The following ADGRD2 variants were observed in gnomAD, a reference collection of about 807,000 sequenced individuals.
ADGRD2 encodes the protein adhesion G protein-coupled receptor D2, also known as G protein-coupled receptor PGR24.
In ADGRD2, 71 loss-of-function variants were observed where a neutral mutation model predicts 44.4. That is an observed-to-expected ratio of 1.60 (90% confidence interval 1.32 to 1.95). The LOEUF (loss-of-function observed/expected upper bound fraction) is 1.95. Among genes scored for constraint, ADGRD2 ranks in the 30% most tolerant of loss-of-function variants. The pLI is 0.00. For missense variants in ADGRD2, 1,039 were observed against 512.4 expected, an observed-to-expected ratio of 2.03 and a Z score of -9.92; for synonymous variants, 481 against 224.8, an observed-to-expected ratio of 2.14 and a Z score of -10.19.
intron 19 of ADGRD2, 33 bp downstream of exon 22, chr9:124,475,648 G>T (rs1453299908): frequency 3.2e-6 from 2 of 617,808 alleles, no homozygotes; most frequent in South Asian, 1.9e-5. Flanking sequence ...GGGTGGGGGC[G>T]GGAGGCCCCC....
chr9:124,472,214 C>T (rs1487334237), intron 17 of ADGRD2, among the ~76,000 whole-genome samples: 7 of 152,192 alleles, frequency 4.6e-5, no homozygotes, highest in Non-Finnish European at 7.3e-5. Context: ...CAGATCCCTC[C>T]CTTCAGTTCT....
At chr9:124,457,729 A>G in intron 8 of ADGRD2, 123 bp downstream of exon 11, 3 of 548,302 alleles carry the variant, frequency 5.5e-6, no homozygotes, top group Non-Finnish European at 9.8e-6. Context: ...TAAAATGGGC[A>G]CATTACTACT....
chr9:124,471,936 A>C (rs1485101578), intron 17 of ADGRD2, among the ~76,000 whole-genome samples: 1 of 152,200 alleles, frequency 6.6e-6, no homozygotes, highest in African/African-American at 2.4e-5. Context: ...CCAGGGCTTC[A>C]TGGCTGGGTT....
chr9:124,466,451 T>C, intron 11 of ADGRD2, 38 bp downstream of exon 14: 1 of 641,642 alleles, frequency 1.6e-6, no homozygotes, highest in South Asian at 1.8e-5. Flanking sequence ...AGGAGGGGGC[T>C]TCTTAGCTGG....
chr9:124,470,723 C>A, intron 17 of ADGRD2, 109 bp downstream of exon 20: 1 of 590,076 alleles, frequency 1.7e-6, no homozygotes, highest in Admixed American at 2.6e-5. Flanking sequence ...TCATGGGAGA[C>A]ATTCAACAGC....
intron 10 of ADGRD2, among the ~76,000 whole-genome samples, chr9:124,461,509 T>C (rs1441162149): frequency 6.6e-6 from 1 of 152,244 alleles, no homozygotes; most frequent in Non-Finnish European, 1.5e-5. Flanking sequence ...AGACAACCAG[T>C]TCCAATACTA....
At chr9:124,474,730 C>A (rs989355834) in intron 17 of ADGRD2, among the ~76,000 whole-genome samples, 1 of 152,192 alleles carries the variant, frequency 6.6e-6, no homozygotes, top group Non-Finnish European at 1.5e-5. Context: ...GCTTAGGATC[C>A]ATTCCTCTGC....
At chr9:124,464,162 T>C (rs987255846) in intron 10 of ADGRD2, among the ~76,000 whole-genome samples, 3 of 151,886 alleles carry the variant, frequency 2.0e-5, no homozygotes, top group African/African-American at 7.3e-5. Context: ...GAGATTATAT[T>C]TATATACTAA....
chr9:124,472,578 C>T (rs1175234678), intron 17 of ADGRD2, among the ~76,000 whole-genome samples: 1 of 152,138 alleles, frequency 6.6e-6, no homozygotes. Flanking sequence ...ATGATCTTGG[C>T]TCACTGTAAC....
intron 20 of ADGRD2, 61 bp downstream of exon 23, chr9:124,476,476 G>A (rs1034585742): frequency 5.8e-5 from 39 of 678,052 alleles, no homozygotes; most frequent in Non-Finnish European, 9.8e-5. Context: ...AAGCCAGCAG[G>A]CAAAGTCGGG....
chr9:124,453,982 TCCCCTGC>T lies in ADGRD2; in HGVS notation c.924-13_924-7del. 1.5e-6 allele frequency: 1 copy of T among 654,302 alleles called. No individual in the cohort carries two copies. The highest frequency in any genetic ancestry group is 1.7e-5 in the South Asian group (1 of 57,772). 40.5% of individuals were successfully genotyped at this position (654,302 alleles called of 1,614,324 possible). On this transcript the variant is annotated splice_polypyrimidine_tract_variant and intron_variant, in intron 3 of 21. Transcript: ENST00000334810. ...GGGTCCCCTAGGGAGCCCTGACAGCTCCCCTGCCCCTGCCAGTGCCCTCCGAGGAGTG... is the reference window on the plus strand; with the variant it reads ...GGGTCCCCTAGGGAGCCCTGACAGCTCCCTGCCAGTGCCCTCCGAGGAGTG...
chr9:124,470,815 G>C (rs1831933174), intron 17 of ADGRD2, among the ~76,000 whole-genome samples: 2 of 152,382 alleles, frequency 1.3e-5, no homozygotes, highest in Admixed American at 1.3e-4. Flanking sequence ...GGTTCGTGCA[G>C]GAGGCTCACG....
intron 14 of ADGRD2, among the ~76,000 whole-genome samples, 194 bp from the exon 18 acceptor site, chr9:124,469,028 C>T (rs908601545): frequency 5.3e-5 from 8 of 152,218 alleles, no homozygotes; most frequent in African/African-American, 1.9e-4. Flanking sequence ...CCTCAGCTCT[C>T]CCGACTCCCA....
chr9:124,458,536 T>C (rs1588602072), intron 9 of ADGRD2, 80 bp from the exon 13 acceptor site: 6 of 682,696 alleles, frequency 8.8e-6, no homozygotes, highest in South Asian at 3.2e-5. Flanking sequence ...ACCTCCACCG[T>C]AGGGGCCTGG....
chr9:124,452,486 C>A, intron 1 of ADGRD2, 24 bp from the exon 5 acceptor site: 1 of 718,396 alleles, frequency 1.4e-6, no homozygotes, highest in East Asian at 2.7e-5. Flanking sequence ...ATGCACCCCC[C>A]ACCGTCTCTC....
At chr9:124,452,017 C>CCCCAA, upstream of ADGRD2, 6 of 563,666 alleles carry the variant, frequency 1.1e-5, no homozygotes, top group Admixed American at 2.5e-5. Context: ...CACCCACCCC[C>CCCCAA]AGAGTAGGCA....
intron 19 of ADGRD2, among the ~76,000 whole-genome samples, chr9:124,475,900 T>C (rs976263860): frequency 2.0e-5 from 3 of 152,172 alleles, no homozygotes; most frequent in Non-Finnish European, 4.4e-5. Context: ...CAGATCCTTT[T>C]AGCCCATCTG....
chr9:124,457,328 G>A, intron 7 of ADGRD2, 144 bp from the exon 11 acceptor site: 1 of 435,598 alleles, frequency 2.3e-6, no homozygotes, highest in Non-Finnish European at 4.1e-6. Context: ...ATTTGCCTTG[G>A]GCAAGTTGCT....
At chr9:124,459,791 G>T (rs1348289819) in intron 10 of ADGRD2, among the ~76,000 whole-genome samples, 2 of 149,884 alleles carry the variant, frequency 1.3e-5, no homozygotes, top group African/African-American at 4.9e-5. Context: ...ATGTGTTTAG[G>T]TTATATGCAA....
Sources: gnomAD v4.1 joint callset for allele counts (sites outside exome capture counted in the v4.1 genomes callset) on GRCh38, gnomAD v4.1.1 for gene constraint, MANE v1.5 for transcripts, NCBI Gene and HGNC (gene_info 2026-07-23, HGNC 2026-07-21) for gene names.